Variants in ZNF385D observed in about 807,000 individuals in gnomAD.
ZNF385D encodes zinc finger protein 385D, also known as zinc finger protein 659.
In ZNF385D, 15 loss-of-function variants were observed where a neutral mutation model predicts 35.8. The observed-to-expected ratio is 0.42, with a 90% CI of 0.28 to 0.64. The LOEUF (loss-of-function observed/expected upper bound fraction) is 0.64. Among genes scored for constraint, ZNF385D ranks in the 30% least tolerant of loss-of-function variants. The pLI, the probability that ZNF385D is intolerant of heterozygous loss-of-function variation, is 0.23. For missense variants in ZNF385D, 474 were observed against 494.6 expected (o/e 0.96, Z 0.39); for synonymous variants, 212 against 186.8 (o/e 1.13, Z -1.10).
At chr3:21,722,900 C>T (rs1309932016) in intron 1 of ZNF385D, among the ~76,000 whole-genome samples, 1 of 152,158 alleles carries the variant, frequency 6.6e-6, no homozygotes. Context: ...GCTTGTACTA[C>T]TTTTGGATGT....
intron 3 of ZNF385D, among the ~76,000 whole-genome samples, chr3:21,930,803 T>C (rs1047186495): frequency 2.0e-5 from 3 of 152,174 alleles, no homozygotes; most frequent in African/African-American, 4.8e-5. Context: ...TCTCACACCA[T>C]ACATATAAAA....
At chr3:21,835,342 G>A (rs1034929435) in intron 3 of ZNF385D, among the ~76,000 whole-genome samples, 17 of 151,730 alleles carry the variant, frequency 1.1e-4, no homozygotes, top group Admixed American at 2.0e-4. Context: ...AATGGCTCAC[G>A]ATCCTTCCAT....
At chr3:21,522,423 T>TGGAGGGGCCATTGAAC (rs1707965202) in intron 3 of ZNF385D, among the ~76,000 whole-genome samples, 1 of 152,132 alleles carries the variant, frequency 6.6e-6, no homozygotes, top group Non-Finnish European at 1.5e-5. Context: ...TCACAGCAAC[T>TGGAGGGGCCATTGAAC]CCGCCTCCTG....
rs368397937 is a variant in ZNF385D at position 21,982,426 on chromosome 3, T to C, written c.325+186391A>G. 5.9e-5 allele frequency among the ~76,000 whole-genome samples: 9 copies of C among 152,278 alleles called. No homozygotes were observed. The East Asian group carries it at 7.7e-4, about 13-fold the overall frequency. On this transcript the variant is annotated intron_variant, in intron 3 of 5. Coordinates refer to the ZNF385D transcript ENST00000494108. ...AGGAATGCTAAGTGAGTTTTGTGCA[T>C]TGACTTTGTATCCTCTAACTTTGCT...
intron 2 of ZNF385D, among the ~76,000 whole-genome samples, chr3:22,295,043 T>A (rs1702496591): frequency 6.6e-6 from 1 of 152,142 alleles, no homozygotes; most frequent in African/African-American, 2.4e-5. Flanking sequence ...AAAATGTTTG[T>A]TTATGGCCCA....
At chr3:21,451,845 T>C (rs1702479412) in intron 4 of ZNF385D, among the ~76,000 whole-genome samples, 1 of 152,086 alleles carries the variant, frequency 6.6e-6, no homozygotes, top group Non-Finnish European at 1.5e-5. Flanking sequence ...GCTAGAATCA[T>C]ATAGCTATTA....
chr3:21,649,771 A>T (rs892933885), intron 2 of ZNF385D, among the ~76,000 whole-genome samples: 3 of 152,224 alleles, frequency 2.0e-5, no homozygotes, highest in Admixed American at 1.3e-4. Flanking sequence ...CTTTGTCCAA[A>T]TAAGAGCCAG....
chr3:21,810,542 GTGTA>G (rs569970008), intron 3 of ZNF385D, among the ~76,000 whole-genome samples: 125 of 151,966 alleles, frequency 8.2e-4, no homozygotes, highest in Non-Finnish European at 1.4e-3. Context: ...ATATATGTGT[GTGTA>G]TGTATGTATG....
intron 3 of ZNF385D, among the ~76,000 whole-genome samples, chr3:21,905,205 C>CAAAAAAA (rs63147760): frequency 1.5e-3 from 105 of 69,704 alleles, no homozygotes; most frequent in African/African-American, 5.6e-3. Flanking sequence ...ACAAAAAATC[C>CAAAAAAA]AAAAAAAAAA....
chr3:21,914,531 C>T (rs1199074044), intron 3 of ZNF385D, among the ~76,000 whole-genome samples: 9 of 151,574 alleles, frequency 5.9e-5, no homozygotes, highest in African/African-American at 1.9e-4. Flanking sequence ...AAATTCAGTC[C>T]CTAGATGAGC....
intron 3 of ZNF385D, among the ~76,000 whole-genome samples, chr3:21,561,738 T>TTAATTAAATTTA (rs1394549456): frequency 3.9e-5 from 6 of 152,184 alleles, no homozygotes; most frequent in African/African-American, 7.2e-5. Flanking sequence ...ACAACGTTTA[T>TTAATTAAATTTA]TAATTAAATT....
intron 2 of ZNF385D, among the ~76,000 whole-genome samples, chr3:22,353,597 T>C (rs1696015492): frequency 1.3e-5 from 2 of 152,272 alleles, no homozygotes; most frequent in South Asian, 4.1e-4. Flanking sequence ...CCCTTCCTTG[T>C]TGCAGTTATT....
At chr3:21,498,154 T>C (rs1257578112) in intron 4 of ZNF385D, among the ~76,000 whole-genome samples, 1 of 152,158 alleles carries the variant, frequency 6.6e-6, no homozygotes, top group East Asian at 1.9e-4. Flanking sequence ...CTGGGATAAG[T>C]AGTTAGCTAT....
chr3:21,745,401 G>A (rs6798573), intron 1 of ZNF385D, among the ~76,000 whole-genome samples: 100,217 of 152,092 alleles, frequency 0.66, 33,115 homozygotes, highest in East Asian at 0.76. Context: ...AATACCTTCC[G>A]TTTCAAGGGC....
chr3:21,629,170 GCA>G (rs1203461540), intron 2 of ZNF385D, among the ~76,000 whole-genome samples: 2 of 152,060 alleles, frequency 1.3e-5, no homozygotes, highest in Non-Finnish European at 2.9e-5. Flanking sequence ...TTGGGGAGGT[GCA>G]CCCTTCTCTT....
chr3:22,153,731 T>C (rs7641832), intron 3 of ZNF385D, among the ~76,000 whole-genome samples: 5,425 of 152,212 alleles, frequency 0.036, 312 homozygotes, highest in African/African-American at 0.12. Context: ...CCCAAAGTGC[T>C]GGCATTAATC....
chr3:22,285,108 G>T (rs1022713189), intron 2 of ZNF385D, among the ~76,000 whole-genome samples: 1 of 152,114 alleles, frequency 6.6e-6, no homozygotes, highest in South Asian at 2.1e-4. Context: ...TTTCAGCATT[G>T]ATTAGAGGTA....
intron 3 of ZNF385D, among the ~76,000 whole-genome samples, chr3:21,965,045 C>A (rs1702834674): frequency 6.6e-6 from 1 of 152,058 alleles, no homozygotes; most frequent in African/African-American, 2.4e-5. Context: ...TTAAAGTTGA[C>A]ACTAGAATCA....
At chr3:21,776,746 A>C (rs780411046) in intron 3 of ZNF385D, among the ~76,000 whole-genome samples, 2 of 151,966 alleles carry the variant, frequency 1.3e-5, no homozygotes, top group Non-Finnish European at 2.9e-5. Flanking sequence ...AATATATACA[A>C]GTGATGTTTA....
Sources: allele counts gnomAD v4.1 joint callset (sites outside exome capture counted in the v4.1 genomes callset), GRCh38; gene constraint gnomAD v4.1.1; transcripts MANE v1.5; gene names NCBI Gene and HGNC (gene_info 2026-07-23, HGNC 2026-07-21).